The following NCKAP5 variants were observed in gnomAD, a reference collection of about 807,000 sequenced individuals.
NCKAP5 encodes the protein NCK associated protein 5.
A neutral mutation model predicts 167.0 loss-of-function variants in NCKAP5; 92 were observed. That is an observed-to-expected ratio of 0.55 (90% CI 0.47 to 0.66). NCKAP5 has a LOEUF of 0.66. Among genes scored for constraint, NCKAP5 ranks in the 30% least tolerant of loss-of-function variants. The pLI is 0.00. For missense variants in NCKAP5, 2,378 were observed against 2,315.0 expected (o/e 1.03, Z -0.56); for synonymous variants, 891 against 877.4 (o/e 1.02, Z -0.27).
At chr2:133,447,426 CTTT>C (rs558216729) in intron 3 of NCKAP5, among the ~76,000 whole-genome samples, 1 of 151,628 alleles carries the variant, frequency 6.6e-6, no homozygotes. Context: ...CCTTCCCTTT[CTTT>C]TTATTTCCTT....
chr2:133,629,917 T>TG, the NCKAP5 span, among the ~76,000 whole-genome samples: 10 of 151,696 alleles, frequency 6.6e-5, no homozygotes, highest in Admixed American at 5.3e-4. Flanking sequence ...TTATTATAAG[T>TG]GGGAGCTGAA....
intron 7 of NCKAP5, among the ~76,000 whole-genome samples, chr2:132,983,864 G>A (rs1213201709): frequency 6.6e-6 from 1 of 152,156 alleles, no homozygotes; most frequent in Non-Finnish European, 1.5e-5. Flanking sequence ...CCCCTCCCAG[G>A]CCACAGCAAA....
At chr2:133,638,304 T>G in the NCKAP5 span, among the ~76,000 whole-genome samples, 1 of 151,946 alleles carries the variant, frequency 6.6e-6, no homozygotes, top group Non-Finnish European at 1.5e-5. Context: ...AATACAAAAA[T>G]GAGATAGAAC....
At chr2:132,943,553 A>T (rs1697458043) in intron 8 of NCKAP5, among the ~76,000 whole-genome samples, 1 of 152,242 alleles carries the variant, frequency 6.6e-6, no homozygotes, top group South Asian at 2.1e-4. Context: ...AAATAAGCTC[A>T]GAAAAGAGGA....
At chr2:132,755,854 AAATAATAAT>A (rs56967710) in intron 16 of NCKAP5, among the ~76,000 whole-genome samples, 6 of 143,806 alleles carry the variant, frequency 4.2e-5, no homozygotes, top group East Asian at 2.1e-4. Context: ...CTAAATGGCA[AAATAATAAT>A]AATAATAATA....
At chr2:133,577,431 C>T in the NCKAP5 span, among the ~76,000 whole-genome samples, 3 of 152,132 alleles carry the variant, frequency 2.0e-5, no homozygotes, top group Non-Finnish European at 1.5e-5. Context: ...CTCTGGTTTG[C>T]TCCCTAGATA....
the NCKAP5 span, among the ~76,000 whole-genome samples, chr2:133,632,628 G>A: frequency 2.0e-5 from 3 of 152,178 alleles, no homozygotes; most frequent in Admixed American, 1.3e-4. Flanking sequence ...TACCCCTCCT[G>A]GTGCTGCTGT....
intron 6 of NCKAP5, among the ~76,000 whole-genome samples, chr2:133,109,393 T>C (rs2081832952): frequency 6.6e-6 from 1 of 152,176 alleles, no homozygotes; most frequent in Non-Finnish European, 1.5e-5. Context: ...TCTCTACCAC[T>C]AACTAAATCA....
At chr2:133,501,224 G>T (rs1242924811) in intron 3 of NCKAP5, among the ~76,000 whole-genome samples, 1 of 152,196 alleles carries the variant, frequency 6.6e-6, no homozygotes, top group Admixed American at 6.5e-5. Context: ...TACCCGTCAA[G>T]CATTTACTGA....
At chr2:133,411,709 G>A (rs143808994) in intron 3 of NCKAP5, among the ~76,000 whole-genome samples, 262 of 152,282 alleles carry the variant, frequency 1.7e-3, no homozygotes, top group African/African-American at 5.4e-3. Context: ...ACCCAGGGAT[G>A]ATTTAGCCAT....
At chr2:133,079,657 G>T (rs1462532627) in intron 6 of NCKAP5, among the ~76,000 whole-genome samples, 2 of 152,090 alleles carry the variant, frequency 1.3e-5, no homozygotes, top group Non-Finnish European at 2.9e-5. Flanking sequence ...AAGATCTTCT[G>T]GGAATTCTAC....
chr2:133,192,303 G>A (rs2085260622), intron 5 of NCKAP5, among the ~76,000 whole-genome samples: 1 of 152,082 alleles, frequency 6.6e-6, no homozygotes, highest in Non-Finnish European at 1.5e-5. Context: ...AATTGAAACT[G>A]TAGATCTTTT....
At chr2:133,559,463 T>TGCTACTCAG (rs1458593356) in intron 1 of NCKAP5, among the ~76,000 whole-genome samples, 3 of 152,136 alleles carry the variant, frequency 2.0e-5, no homozygotes, top group Non-Finnish European at 2.9e-5. Flanking sequence ...AGACTACAGG[T>TGCTACTCAG]GCACATCACC....
intron 11 of NCKAP5, among the ~76,000 whole-genome samples, chr2:132,842,332 T>C (rs1432665319): frequency 6.6e-6 from 1 of 152,104 alleles, no homozygotes; most frequent in East Asian, 1.9e-4. Flanking sequence ...AAATGAGAGA[T>C]TTGACTATTT....
chr2:132,828,763 T>C (rs1365869791), intron 11 of NCKAP5, among the ~76,000 whole-genome samples: 1 of 152,146 alleles, frequency 6.6e-6, no homozygotes, highest in Non-Finnish European at 1.5e-5. Flanking sequence ...GGCAATTATC[T>C]CTCTCAAGCT....
intron 3 of NCKAP5, among the ~76,000 whole-genome samples, chr2:133,366,625 A>T (rs112992770): frequency 2.0e-5 from 3 of 152,206 alleles, no homozygotes; most frequent in Non-Finnish European, 4.4e-5. Flanking sequence ...TGAATCAAAT[A>T]TTGGCAACTA....
chr2:132,775,932 G>A (rs1425159262), intron 15 of NCKAP5, among the ~76,000 whole-genome samples: 2 of 151,760 alleles, frequency 1.3e-5, no homozygotes, highest in Non-Finnish European at 2.9e-5. Flanking sequence ...GAAACCTGTT[G>A]GACTGTCAGT....
intron 8 of NCKAP5, among the ~76,000 whole-genome samples, chr2:132,945,037 A>G (rs1697594270): frequency 6.6e-6 from 1 of 152,102 alleles, no homozygotes; most frequent in South Asian, 2.1e-4. Context: ...CAACAGAGAA[A>G]AGACTTCTAG....
chr2:133,644,428 G>T, the NCKAP5 span, among the ~76,000 whole-genome samples: 1 of 152,086 alleles, frequency 6.6e-6, no homozygotes, highest in African/African-American at 2.4e-5. Flanking sequence ...ATGATTTCAT[G>T]AAATCATTTG....
Sources: gnomAD v4.1 joint callset for allele counts (sites outside exome capture counted in the v4.1 genomes callset) on GRCh38, gnomAD v4.1.1 for gene constraint, MANE v1.5 for transcripts, NCBI Gene and HGNC (gene_info 2026-07-23, HGNC 2026-07-21) for gene names.